Variants in RAI14 observed in about 807,000 individuals in gnomAD.
RAI14 encodes retinoic acid induced 14.
RAI14 carries 45 observed loss-of-function variants against 115.4 expected under a neutral mutation model. The ratio of observed to expected loss-of-function variants is 0.39; its 90% confidence interval spans 0.31 to 0.50. The LOEUF (loss-of-function observed/expected upper bound fraction) is 0.50. Among genes scored for constraint, RAI14 ranks in the 20% least tolerant of loss-of-function variants. RAI14 has a pLI of 0.85. For missense variants in RAI14, 939 were observed against 1,131.2 expected, an observed-to-expected ratio of 0.83 and a Z score of 2.44; for synonymous variants, 371 against 415.4, an observed-to-expected ratio of 0.89 and a Z score of 1.30.
Position 34,823,274 on chromosome 5 carries a change from A to G in RAI14, c.1432A>G (p.Ser478Gly). ...CLNNTEISEN[S>G]SDLSQKLKET... is the part of the protein sequence containing the mutation. ...AAACAACACTGAGATTTCAGAGAAC[A>G]GCTCTGACCTCAGCCAGAAACTTAA... The change falls in exon 15 of 18, where the codon AGC becomes GGC. Residue 478 changes from serine to glycine, a missense_variant. Coordinates refer to ENST00000265109, the MANE Select transcript of RAI14 (RefSeq NM_015577.3). This position sits in a 1 kb window ranked among gnomAD's most constrained non-coding sequence, Gnocchi z 4.5. The G allele has an allele frequency of 6.2e-7, 1 of 1,614,022 alleles. No individual in the cohort carries two copies. The highest frequency in any genetic ancestry group is 8.5e-7 in the Non-Finnish European group (1 of 1,179,956).
At chr5:34,658,842 T>C (rs2149836383) in intron 1 of RAI14, among the ~76,000 whole-genome samples, 1 of 152,232 alleles carries the variant, frequency 6.6e-6, no homozygotes, top group South Asian at 2.1e-4. Flanking sequence ...CTAACATACA[T>C]AAAAACAGAG....
At chr5:34,801,900 C>G (rs950338758) in intron 4 of RAI14, among the ~76,000 whole-genome samples, 1 of 151,942 alleles carries the variant, frequency 6.6e-6, no homozygotes, top group South Asian at 2.1e-4. Flanking sequence ...GCAAGACCCC[C>G]AGCTCTACCA....
intron 3 of RAI14, among the ~76,000 whole-genome samples, chr5:34,761,864 G>T (rs940788308): frequency 4.6e-5 from 7 of 152,200 alleles, no homozygotes; most frequent in Non-Finnish European, 8.8e-5. Context: ...TTGGCCTCAA[G>T]TGATCCTCCT....
chr5:34,688,381 A>G, intron 2 of RAI14: 1 of 908,686 alleles, frequency 1.1e-6, no homozygotes, highest in Non-Finnish European at 1.6e-6. Context: ...GATTATTTTT[A>G]GCAAAATTTC....
At chr5:34,707,134 C>T (rs961038720) in intron 2 of RAI14, among the ~76,000 whole-genome samples, 1 of 152,194 alleles carries the variant, frequency 6.6e-6, no homozygotes, top group African/African-American at 2.4e-5. Flanking sequence ...GTGACTCCTG[C>T]AAGTCAGTTA....
intron 3 of RAI14, among the ~76,000 whole-genome samples, chr5:34,783,543 C>G (rs1751924883): frequency 6.6e-6 from 1 of 151,314 alleles, no homozygotes; most frequent in Non-Finnish European, 1.5e-5. Context: ...ACCAGTTGTT[C>G]TGCTTCTGTC....
At chr5:34,808,737 T>C (rs188037131) in intron 7 of RAI14, 83 bp downstream of exon 7, 5 of 1,305,906 alleles carry the variant, frequency 3.8e-6, no homozygotes, top group Non-Finnish European at 3.3e-6. Flanking sequence ...CACTGAGACT[T>C]TAGACTAGCA....
chr5:34,803,461 G>A (rs1279030224), intron 4 of RAI14, among the ~76,000 whole-genome samples: 1 of 152,138 alleles, frequency 6.6e-6, no homozygotes, highest in Non-Finnish European at 1.5e-5. Context: ...GGAGGCTGAG[G>A]TGGGAGGATC....
At chr5:34,688,980 G>A (rs1738221731) in intron 2 of RAI14, among the ~76,000 whole-genome samples, 1 of 152,152 alleles carries the variant, frequency 6.6e-6, no homozygotes, top group African/African-American at 2.4e-5. Flanking sequence ...TAAGGCCTTA[G>A]GGACATGCAG....
intron 15 of RAI14, among the ~76,000 whole-genome samples, chr5:34,824,983 G>A (rs1757295464): frequency 6.7e-6 from 1 of 150,358 alleles, no homozygotes; most frequent in Non-Finnish European, 1.5e-5. Flanking sequence ...AGTTTATTGG[G>A]TATTTGTATT....
chr5:34,662,721 ATTTTTTT>A (rs746930489), intron 1 of RAI14, among the ~76,000 whole-genome samples: 10 of 91,884 alleles, frequency 1.1e-4, no homozygotes, highest in African/African-American at 1.6e-4. Flanking sequence ...ATTTAAACAG[ATTTTTTT>A]TTTTTTTTTT....
intron 2 of RAI14, among the ~76,000 whole-genome samples, chr5:34,698,473 CAATT>C (rs1277681617): frequency 1.3e-5 from 2 of 151,844 alleles, no homozygotes; most frequent in Admixed American, 6.6e-5. Context: ...ACACATGAAA[CAATT>C]AAGGCAGTGC....
chr5:34,676,180 T>C (rs1743962761), intron 1 of RAI14, among the ~76,000 whole-genome samples: 2 of 152,228 alleles, frequency 1.3e-5, no homozygotes, highest in Non-Finnish European at 2.9e-5. Context: ...TGGGCCCTTT[T>C]GGGTTTCAAG....
chr5:34,687,219 TA>T (rs1264232499), intron 2 of RAI14, among the ~76,000 whole-genome samples: 10 of 152,286 alleles, frequency 6.6e-5, no homozygotes, highest in African/African-American at 2.2e-4. Flanking sequence ...ACCGTCACAT[TA>T]AACATCTTCA....
At chr5:34,747,190 A>G (rs1032769398) in intron 2 of RAI14, among the ~76,000 whole-genome samples, 1 of 152,224 alleles carries the variant, frequency 6.6e-6, no homozygotes, top group African/African-American at 2.4e-5. Flanking sequence ...AACCAACTAT[A>G]TTGTAAATGG....
chr5:34,722,529 TGTG>T lies in RAI14; in HGVS notation c.37-34935_37-34933del, dbSNP rs550474914. The stretch of plus-strand genomic sequence containing the variant: ...AAATTTGTAAAGCATTGTTGTGTGA[TGTG>T]GTGACAAGCAGAGAAATACAAACTT... On this transcript the variant is annotated intron_variant, in intron 2 of 17. Coordinates refer to ENST00000265109, the MANE Select transcript of RAI14 (RefSeq NM_015577.3). Among the ~76,000 whole-genome samples, 7 of 152,098 alleles carry T rather than the reference TGTG, an allele frequency of 4.6e-5. No individual in the cohort carries two copies. The South Asian group carries it at 1.5e-3, about 32-fold the overall frequency.
Position 34,821,845 on chromosome 5 carries a change from T to C in RAI14, c.1108T>C (p.Leu370=). 2.0e-6 allele frequency: 3 copies of C among 1,530,266 alleles called. No homozygotes were observed. Among genetic ancestry groups the C allele is most frequent in the South Asian group, 1.1e-5 (1 of 89,444 alleles). The allele number at this position is 1,530,266 out of a possible 1,614,324, so 94.8% of individuals were successfully genotyped here. The change falls in exon 14 of 18, where the codon TTA becomes CTA. Residue 370 remains leucine, a synonymous_variant. Transcript: ENST00000265109. Reference sequence around the variant, plus strand: ...ACACAATAAGGAGTTACAAGATAAATTACAGGTATATAAATAGATTGCTAT... The same window carrying C: ...ACACAATAAGGAGTTACAAGATAAACTACAGGTATATAAATAGATTGCTAT... ...TLHNKELQDK[L]QAKSPKEAEA...
At chr5:34,786,428 T>C (rs2150177638) in intron 3 of RAI14, among the ~76,000 whole-genome samples, 1 of 152,248 alleles carries the variant, frequency 6.6e-6, no homozygotes, top group African/African-American at 2.4e-5. Context: ...AAGAAGGGGG[T>C]GCAGAAGAGT....
At chr5:34,715,647 T>C (rs1741898304) in intron 2 of RAI14, among the ~76,000 whole-genome samples, 1 of 152,210 alleles carries the variant, frequency 6.6e-6, no homozygotes, top group African/African-American at 2.4e-5. Flanking sequence ...CACACATTCT[T>C]CTGGCTTCCT....
Sources: allele counts gnomAD v4.1 joint callset (sites outside exome capture counted in the v4.1 genomes callset), GRCh38; gene constraint gnomAD v4.1.1; non-coding constraint Gnocchi (gnomAD v3.1); transcripts MANE v1.5; gene names NCBI Gene and HGNC (gene_info 2026-07-23, HGNC 2026-07-21).